PRR16: variants seen among roughly 807,000 people sequenced by gnomAD.
PRR16 encodes the protein protein Largen.
In PRR16, 6 loss-of-function variants were observed where a neutral mutation model predicts 18.2. The ratio of observed to expected loss-of-function variants is 0.33; its 90% CI spans 0.18 to 0.65. PRR16 has a LOEUF of 0.65. Among genes scored for constraint, PRR16 ranks in the 30% least tolerant of loss-of-function variants. The pLI is 0.74. For synonymous variants in PRR16, 151 were observed against 147.8 expected (o/e 1.02, Z -0.16); for missense variants, 412 against 376.6 (o/e 1.09, Z -0.78).
downstream of PRR16, among the ~76,000 whole-genome samples, chr5:120,689,618 G>T (rs1293541104): frequency 1.3e-5 from 2 of 152,098 alleles, no homozygotes; most frequent in African/African-American, 2.4e-5. Flanking sequence ...CTCCTTTGAA[G>T]GTGATGTTTC....
chr5:120,616,923 G>A (rs1754529321), intron 1 of PRR16, among the ~76,000 whole-genome samples: 1 of 152,072 alleles, frequency 6.6e-6, no homozygotes, highest in Non-Finnish European at 1.5e-5. Flanking sequence ...GACATGTTCT[G>A]TGTTCACTCT....
the PRR16 span, among the ~76,000 whole-genome samples, chr5:120,758,534 A>AGG: frequency 6.6e-6 from 1 of 151,918 alleles, no homozygotes; most frequent in African/African-American, 2.4e-5. Context: ...CGCATATTGA[A>AGG]GGGGGGATCT....
the PRR16 span, among the ~76,000 whole-genome samples, chr5:120,720,052 C>T: frequency 2.6e-5 from 4 of 151,954 alleles, no homozygotes; most frequent in Non-Finnish European, 5.9e-5. Flanking sequence ...AAGTAGAGCA[C>T]ACATTTATTG....
intron 1 of PRR16, among the ~76,000 whole-genome samples, chr5:120,662,523 G>A (rs770536986): frequency 4.6e-5 from 7 of 151,908 alleles, no homozygotes; most frequent in Admixed American, 3.9e-4. Flanking sequence ...AGCACAAAAC[G>A]CTCAGGGAAA....
chr5:120,474,293 G>A (rs954341708), intron 1 of PRR16, among the ~76,000 whole-genome samples: 1 of 151,998 alleles, frequency 6.6e-6, no homozygotes, highest in Non-Finnish European at 1.5e-5. Context: ...TTCTTTGTTG[G>A]GGGGATTGTC....
intron 1 of PRR16, among the ~76,000 whole-genome samples, chr5:120,612,506 G>A (rs1275795951): frequency 1.4e-4 from 21 of 152,106 alleles, no homozygotes; most frequent in Admixed American, 1.4e-3. Flanking sequence ...TGCTATTCTC[G>A]TGACGGTGAA....
At chr5:120,713,900 C>T in the PRR16 span, among the ~76,000 whole-genome samples, 72 of 152,174 alleles carry the variant, frequency 4.7e-4, no homozygotes, top group South Asian at 2.9e-3. Flanking sequence ...CAATCTTTTT[C>T]CAAGTGGTTC....
the PRR16 span, among the ~76,000 whole-genome samples, chr5:120,793,077 A>C: frequency 6.6e-6 from 1 of 152,042 alleles, no homozygotes; most frequent in Non-Finnish European, 1.5e-5. Context: ...GCTTGAGCCC[A>C]GGAGAAGGAG....
At chr5:120,695,982 C>G in the PRR16 span, among the ~76,000 whole-genome samples, 1 of 151,908 alleles carries the variant, frequency 6.6e-6, no homozygotes, top group Non-Finnish European at 1.5e-5. Flanking sequence ...GTGGCTCATG[C>G]CTGTAACCCC....
chr5:120,686,168 C>T lies in PRR16; in HGVS notation c.374C>T (p.Pro125Leu). The change falls in exon 2 of 2, where the codon CCT becomes CTT. Residue 125 changes from proline to leucine, a missense_variant. Coordinates refer to ENST00000407149, the MANE Select transcript of PRR16 (RefSeq NM_001300783.2). Reference sequence around the variant, plus strand: ...CTGAGAAAGCCAAACCCTCCACCACCTCCTCCAAGGTTGACACCTGTGAAG... The same window carrying T: ...CTGAGAAAGCCAAACCCTCCACCACTTCCTCCAAGGTTGACACCTGTGAAG... ...TVLRKPNPPP[P>L]PPRLTPVKCE... The T allele has an allele frequency of 1.2e-6, 2 of 1,614,188 alleles. No individual in the cohort carries two copies. Among genetic ancestry groups the T allele is most frequent in the Non-Finnish European group, 1.7e-6 (2 of 1,180,010 alleles).
chr5:120,512,002 G>T (rs574181562), intron 1 of PRR16, among the ~76,000 whole-genome samples: 3 of 152,256 alleles, frequency 2.0e-5, no homozygotes, highest in Admixed American at 6.5e-5. Context: ...AAATTATTCA[G>T]CTCTATCATT....
intron 1 of PRR16, among the ~76,000 whole-genome samples, chr5:120,523,764 AGAGT>A (rs1751262953): frequency 6.8e-6 from 1 of 146,998 alleles, no homozygotes; most frequent in Non-Finnish European, 1.5e-5. Flanking sequence ...CAAAATTTTC[AGAGT>A]GAGTGTGTAT....
Position 120,591,287 on chromosome 5 carries a change from GAATA to G in PRR16, c.160-94652_160-94649del, listed in dbSNP as rs1441890742. 5.3e-5 allele frequency among the ~76,000 whole-genome samples: 8 copies of G among 151,544 alleles called. No homozygotes were observed. In the Admixed American group the frequency reaches 5.3e-4, roughly 10 times the overall value. On this transcript the variant is annotated intron_variant, in intron 1 of 1. Transcript: ENST00000407149. ...GTGCGAGACACCATCTCCAAAAAAA[GAATA>G]AATAAATAAATAAAAAATAATTGTA...
the PRR16 span, among the ~76,000 whole-genome samples, chr5:120,714,801 A>G: frequency 6.6e-6 from 1 of 152,296 alleles, no homozygotes; most frequent in Admixed American, 6.5e-5. Flanking sequence ...ACGGAATACT[A>G]TCCAGCATAA....
chr5:120,673,984 T>G (rs1156772519), intron 1 of PRR16, among the ~76,000 whole-genome samples: 1 of 151,546 alleles, frequency 6.6e-6, no homozygotes, highest in Non-Finnish European at 1.5e-5. Context: ...CTAAAACATG[T>G]GCATTCATCT....
chr5:120,549,627 A>G lies in PRR16; in HGVS notation c.159+84982A>G, dbSNP rs542013455. Among the ~76,000 whole-genome samples, 6 of 152,098 alleles carry G rather than the reference A, an allele frequency of 3.9e-5. No homozygotes were observed. In the East Asian group the frequency reaches 1.2e-3, roughly 30 times the overall value. ...TCCTTTCTTTCCTTCAGAACATCTT[A>G]TAATTTAGGAGCTAAACATGTCTTG... On this transcript the variant is annotated intron_variant, in intron 1 of 1. Coordinates refer to ENST00000407149, the MANE Select transcript of PRR16 (RefSeq NM_001300783.2).
At chr5:120,585,197 T>C (rs114708876) in intron 1 of PRR16, among the ~76,000 whole-genome samples, 2,041 of 152,336 alleles carry the variant, frequency 0.013, 44 homozygotes, top group African/African-American at 0.044. Context: ...TTGAGGGCTA[T>C]GCTTCTTATT....
intron 1 of PRR16, among the ~76,000 whole-genome samples, chr5:120,519,994 C>T (rs1490464277): frequency 6.6e-6 from 1 of 151,546 alleles, no homozygotes; most frequent in Non-Finnish European, 1.5e-5. Flanking sequence ...TAGTTTTATT[C>T]TGAATCTTCT....
At chr5:120,604,070 A>C (rs1394588923) in intron 1 of PRR16, among the ~76,000 whole-genome samples, 7 of 151,194 alleles carry the variant, frequency 4.6e-5, no homozygotes, top group Admixed American at 4.0e-4. Flanking sequence ...TGTTAGGTCC[A>C]TTTGTTCAAA....
Sources: allele counts gnomAD v4.1 joint callset (sites outside exome capture counted in the v4.1 genomes callset), GRCh38; gene constraint gnomAD v4.1.1; transcripts MANE v1.5; gene names NCBI Gene and HGNC (gene_info 2026-07-23, HGNC 2026-07-21).